Variants in WDR81 observed in about 807,000 individuals in gnomAD.
WDR81 encodes WD repeat-containing protein 81.
In WDR81, 92 loss-of-function variants were observed where a neutral mutation model predicts 140.8. The observed-to-expected ratio is 0.65, with a 90% CI of 0.55 to 0.78. WDR81 has a LOEUF of 0.78. WDR81 is among the 30% of genes least tolerant of loss of function. The pLI is 0.00. For missense variants in WDR81, 2,502 were observed against 2,636.4 expected, an observed-to-expected ratio of 0.95 and a Z score of 1.12; for synonymous variants, 1,183 against 1,156.4, an observed-to-expected ratio of 1.02 and a Z score of -0.47.
Position 1,727,984 on chromosome 17 carries a change from C to G in WDR81, c.3025C>G (p.Leu1009Val). 1.3e-6 allele frequency: 2 copies of G among 1,550,446 alleles called. No homozygotes were observed. The highest frequency in any genetic ancestry group is 2.4e-5 in the South Asian group (2 of 84,110). Residue 1009 changes from leucine (L) to valine (V), a missense_variant, in exon 1 of 10, where the codon CTG (leucine) becomes GTG (valine). Transcript: ENST00000409644. Reference protein sequence around the residue: ...AFLTHLLPHVLQVLAGAEASQ... With the variant: ...AFLTHLLPHVVQVLAGAEASQ... The stretch of plus-strand genomic sequence containing the variant: ...TCTCACTCACCTGCTGCCCCATGTC[C>G]TGCAGGTGCTGGCGGGCGCAGAGGC...
At chr17:1,721,135 AGGTATTTATATCAAAGTTGG>A (rs1381820741), upstream of WDR81, among the ~76,000 whole-genome samples, 1 of 152,198 alleles carries the variant, frequency 6.6e-6, no homozygotes. Flanking sequence ...CTCTGATTTC[AGGTATTTATATCAAAGTTGG>A]GGCTGGGCAC....
intron 1 of WDR81, among the ~76,000 whole-genome samples, chr17:1,728,869 C>T (rs1410466596): frequency 6.6e-6 from 1 of 152,036 alleles, no homozygotes; most frequent in Admixed American, 6.6e-5. Context: ...AGGAGAATGG[C>T]GTGAACCCGG....
At chr17:1,719,471 C>G (rs1914749022) in intron 1 of WDR81, among the ~76,000 whole-genome samples, 1 of 151,638 alleles carries the variant, frequency 6.6e-6, no homozygotes, top group Non-Finnish European at 1.5e-5. Flanking sequence ...TGGCGTGAAC[C>G]CAGGAGGCGG....
upstream of WDR81, among the ~76,000 whole-genome samples, chr17:1,719,714 A>T (rs376863421): frequency 1.2e-3 from 178 of 151,878 alleles, 1 homozygote; most frequent in African/African-American, 4.2e-3. Context: ...AAAAAAAATT[A>T]AAAAATGGCC....
Position 1,727,702 on chromosome 17 carries a change from GACATCA to G in WDR81, c.2744_2749del (p.Asp915_Thr917delinsAla). On this transcript the variant is annotated inframe_deletion, in exon 1 of 10. Transcript: ENST00000409644. ...GCAGCAGCTGGGCGCGGTGCTGAAG[GACATCA>G]CCCCTGAGGGCCTGGAGATCCTGCT... 1 of 1,550,522 alleles carries G rather than the reference GACATCA, an allele frequency of 6.4e-7. No individual in the cohort carries two copies.
At position 1,734,849 on chromosome 17, in the gene WDR81, G is replaced by A. The variant is rs959531364; in HGVS notation, c.5179+633G>A. ...CATGTGTAGCAGATATTTGGTCAAT[G>A]GTTGCTTATTTTTTGGCGTCACCAT... On this transcript the variant is annotated intron_variant, in intron 7 of 9. Coordinates refer to ENST00000409644, the MANE Select transcript of WDR81 (RefSeq NM_001163809.2). Among the ~76,000 whole-genome samples the A allele has an allele frequency of 4.6e-5, 7 of 152,218 alleles. No homozygotes were observed. The East Asian group carries it at 1.4e-3, about 29-fold the overall frequency.
At chr17:1,718,518 A>T (rs1393902278) in intron 1 of WDR81, among the ~76,000 whole-genome samples, 1 of 152,176 alleles carries the variant, frequency 6.6e-6, no homozygotes, top group Non-Finnish European at 1.5e-5. Context: ...GCCACCCCCC[A>T]TAGCAAGGGT....
chr17:1,734,676 G>A (rs1428925190), intron 7 of WDR81, among the ~76,000 whole-genome samples: 1 of 151,914 alleles, frequency 6.6e-6, no homozygotes, highest in Non-Finnish European at 1.5e-5. Context: ...CTACACAGGA[G>A]GCTGAGGCAG....
chr17:1,724,454 G>A (rs1168200621), upstream of WDR81: 1 of 984,536 alleles, frequency 1.0e-6, no homozygotes, highest in Non-Finnish European at 1.2e-6. Flanking sequence ...ACAGCCTCCG[G>A]GACCCGCGCG....
At position 1,725,400 on chromosome 17, in the gene WDR81, T is replaced by C; in HGVS notation, c.441T>C (p.Tyr147=). ...TGCAGGAGGTTGCCGCCCAGAATTA[T>C]CGCAACCTGTGGCGCCATGCATACC... is the stretch of plus-strand genomic sequence containing the variant. The part of the protein sequence containing the change: ...RFMQEVAAQN[Y]RNLWRHAYHT... The change falls in exon 1 of 10, where the codon TAT becomes TAC. Residue 147 remains tyrosine, a synonymous_variant. Transcript: ENST00000409644. 1.3e-6 allele frequency: 2 copies of C among 1,549,632 alleles called. No individual in the cohort carries two copies. Among genetic ancestry groups the C allele is most frequent in the East Asian group, 4.9e-5 (2 of 40,926 alleles).
chr17:1,736,901 G>A (rs1904915709), intron 9 of WDR81, among the ~76,000 whole-genome samples: 1 of 152,186 alleles, frequency 6.6e-6, no homozygotes, highest in Non-Finnish European at 1.5e-5. Flanking sequence ...GAGCCCCAGG[G>A]AACCCTCAGC....
upstream of WDR81, among the ~76,000 whole-genome samples, chr17:1,723,517 G>A (rs913516598): frequency 6.0e-5 from 8 of 132,850 alleles, no homozygotes; most frequent in Non-Finnish European, 4.8e-5. Flanking sequence ...ACGGAGTCTC[G>A]CTCTGTTGCC....
intron 1 of WDR81, among the ~76,000 whole-genome samples, chr17:1,730,004 A>T (rs1915572980): frequency 5.3e-5 from 1 of 18,950 alleles, no homozygotes; most frequent in African/African-American, 1.4e-4. Context: ...AAAAAAAAAA[A>T]AGAAGAAGAA....
At chr17:1,731,391 G>T in intron 4 of WDR81, 133 bp downstream of exon 4, 1 of 1,127,512 alleles carries the variant, frequency 8.9e-7, no homozygotes, top group Non-Finnish European at 1.2e-6. Flanking sequence ...TCCCGGCTGT[G>T]TGACCCTGAG....
At chr17:1,736,288 G>T in intron 9 of WDR81, 70 bp downstream of exon 9, 2 of 1,522,634 alleles carry the variant, frequency 1.3e-6, no homozygotes, top group East Asian at 4.6e-5. Context: ...CCCTGCTTAG[G>T]GTCTGCCTGC....
chr17:1,727,794 G>T lies in WDR81; in HGVS notation c.2835G>T (p.Leu945=). The T allele has an allele frequency of 6.4e-7, 1 of 1,550,646 alleles. No homozygotes were observed. Reference sequence around the variant, plus strand: ...CAGCTGTGTACACGGCCTGGTATCTGTTTGAGCCTGTTGCCAAGGCACTGG... The same window carrying T: ...CAGCTGTGTACACGGCCTGGTATCTTTTTGAGCCTGTTGCCAAGGCACTGG... ...EHTAVYTAWY[L]FEPVAKALGP... The change falls in exon 1 of 10, where the codon CTG becomes CTT. Residue 945 remains leucine, a synonymous_variant. Transcript: ENST00000409644.
chr17:1,730,708 C>A, intron 2 of WDR81, 47 bp from the exon 3 acceptor site: 2 of 1,560,628 alleles, frequency 1.3e-6, no homozygotes, highest in Admixed American at 1.8e-5. Context: ...CCAGGCTACC[C>A]CCGGCCCTCC....
chr17:1,724,625 G>A (rs1915082658), upstream of WDR81: 3 of 1,008,334 alleles, frequency 3.0e-6, no homozygotes, highest in Non-Finnish European at 3.5e-6. Context: ...AGGCCGCCGG[G>A]CAGGAAGCGG....
chr17:1,718,950 T>C (rs1439650774), intron 1 of WDR81, among the ~76,000 whole-genome samples: 1 of 152,146 alleles, frequency 6.6e-6, no homozygotes, highest in African/African-American at 2.4e-5. Context: ...GTGGGAGGGC[T>C]ACCGGGTGCA....
Sources: allele counts gnomAD v4.1 joint callset (sites outside exome capture counted in the v4.1 genomes callset), GRCh38; gene constraint gnomAD v4.1.1; transcripts MANE v1.5; gene names NCBI Gene and HGNC (gene_info 2026-07-23, HGNC 2026-07-21).